The following EFCAB5 variants were observed in gnomAD, a reference collection of about 807,000 sequenced individuals.
EFCAB5 encodes the protein EF-hand calcium-binding domain-containing protein 5.
Under a neutral mutation model 167.9 loss-of-function variants are expected in EFCAB5, and 131 were observed. The observed-to-expected ratio is 0.78, with a 90% CI of 0.68 to 0.90. The LOEUF is 0.90. Ranked by LOEUF, EFCAB5 falls within the 40% of genes least tolerant of loss-of-function variation. EFCAB5 has a pLI of 0.00. For synonymous variants in EFCAB5, 574 were observed against 602.8 expected (o/e 0.95, Z 0.70); for missense variants, 1,663 against 1,745.2 (o/e 0.95, Z 0.84).
At chr17:30,004,365 C>G (rs577105574) in intron 7 of EFCAB5, among the ~76,000 whole-genome samples, 1 of 152,176 alleles carries the variant, frequency 6.6e-6, no homozygotes, top group East Asian at 1.9e-4. Context: ...ATCCAATTTC[C>G]CCATTCAATC....
chr17:30,090,791 T>C, intron 20 of EFCAB5, 117 bp downstream of exon 20: 1 of 1,398,952 alleles, frequency 7.1e-7, no homozygotes, highest in Non-Finnish European at 9.6e-7. Flanking sequence ...TACACATCTT[T>C]TCATATAAAA....
At chr17:30,098,126 G>T (rs1228278419) in intron 22 of EFCAB5, among the ~76,000 whole-genome samples, 1 of 151,858 alleles carries the variant, frequency 6.6e-6, no homozygotes, top group East Asian at 2.0e-4. Flanking sequence ...GTAGAGGTGG[G>T]GGTCTCACTA....
chr17:30,000,080 AAAACT>A, intron 7 of EFCAB5, 104 bp downstream of exon 7: 1 of 768,722 alleles, frequency 1.3e-6, no homozygotes, highest in Non-Finnish European at 2.0e-6. Flanking sequence ...ATGAAAGCAC[AAAACT>A]TATTTTATAC....
chr17:30,025,380 A>G (rs1472083486), intron 7 of EFCAB5, among the ~76,000 whole-genome samples: 1 of 152,228 alleles, frequency 6.6e-6, no homozygotes, highest in Non-Finnish European at 1.5e-5. Flanking sequence ...ACACTTCTCA[A>G]AAGAAGACAT....
chr17:29,977,221 G>A (rs1291477311), intron 4 of EFCAB5, among the ~76,000 whole-genome samples: 1 of 152,150 alleles, frequency 6.6e-6, no homozygotes, highest in East Asian at 1.9e-4. Flanking sequence ...AAAAATATTT[G>A]CTCCTAAAAT....
intron 4 of EFCAB5, among the ~76,000 whole-genome samples, chr17:29,989,919 C>A (rs1028090127): frequency 2.6e-5 from 4 of 152,166 alleles, no homozygotes; most frequent in African/African-American, 9.7e-5. Context: ...CTGCTTGAAG[C>A]AGTTCCTACA....
chr17:29,962,632 CTTTT>C (rs796553756), intron 3 of EFCAB5, among the ~76,000 whole-genome samples: 2 of 110,432 alleles, frequency 1.8e-5, no homozygotes, highest in Non-Finnish European at 3.6e-5. Context: ...CCATGCCTGG[CTTTT>C]TTTTTTTTTT....
intron 14 of EFCAB5, among the ~76,000 whole-genome samples, chr17:30,061,646 G>A (rs2070429337): frequency 6.6e-6 from 1 of 152,050 alleles, no homozygotes; most frequent in Admixed American, 6.6e-5. Flanking sequence ...CATAATCATG[G>A]CTCACTCCAG....
At chr17:30,073,761 T>G in intron 14 of EFCAB5, 2 of 657,762 alleles carry the variant, frequency 3.0e-6, no homozygotes, top group East Asian at 2.7e-5. Flanking sequence ...CATCCCATAC[T>G]CCTATCAAGA....
At chr17:30,059,479 C>A in intron 13 of EFCAB5, 66 bp from the exon 14 acceptor site, 1 of 1,440,706 alleles carries the variant, frequency 6.9e-7, no homozygotes, top group Non-Finnish European at 9.2e-7. Context: ...TTGGAATAAA[C>A]ACAGAATGCT....
At position 30,069,354 on chromosome 17, in the gene EFCAB5, T is replaced by C. The variant is rs117293087; in HGVS notation, c.2738-8861T>C. 1.2e-4 allele frequency: 188 copies of C among 1,558,266 alleles called. 1 individual carries two copies. The East Asian group carries it at 4.1e-3, about 34-fold the overall frequency. Reference sequence around the variant, plus strand: ...TTTGAACAGGAAAATCAGCGACTAATTGGTGAAATGAACAGCTTGTTTGAT... The same window carrying C: ...TTTGAACAGGAAAATCAGCGACTAACTGGTGAAATGAACAGCTTGTTTGAT... On this transcript the variant is annotated intron_variant, in intron 14 of 22. Transcript: ENST00000394835.
intron 7 of EFCAB5, among the ~76,000 whole-genome samples, chr17:30,002,087 GA>G (rs1419640855): frequency 6.6e-6 from 1 of 152,124 alleles, no homozygotes; most frequent in Non-Finnish European, 1.5e-5. Context: ...TTTCCATATA[GA>G]TTTTTGGTTA....
rs2071103717 is a variant in EFCAB5 at position 30,087,094 on chromosome 17, T to C, written c.3611T>C (p.Val1204Ala). The C allele has an allele frequency of 6.2e-7, 1 of 1,613,584 alleles. No homozygotes were observed. Among genetic ancestry groups the C allele is most frequent in the East Asian group, 2.2e-5 (1 of 44,864 alleles). ...GACTATGTTTTACGCAACATGATGGTTACAGGGCAGCTGGGTCTAACAGAA... is the reference window on the plus strand; with the variant it reads ...GACTATGTTTTACGCAACATGATGGCTACAGGGCAGCTGGGTCTAACAGAA... Reference protein sequence around the residue: ...DSDYVLRNMMVTGQLGLTEIH... With the variant: ...DSDYVLRNMMATGQLGLTEIH... Residue 1204 changes from valine to alanine, a missense_variant, in exon 19 of 23, where the codon GTT (valine) becomes GCT (alanine). Val to Ala is a moderately conservative substitution (Grantham distance 64). Coordinates refer to ENST00000394835, the MANE Select transcript of EFCAB5 (RefSeq NM_198529.4).
At chr17:30,082,586 T>C (rs574289011) in intron 17 of EFCAB5, among the ~76,000 whole-genome samples, 3 of 152,202 alleles carry the variant, frequency 2.0e-5, no homozygotes, top group Admixed American at 2.0e-4. Flanking sequence ...AGACAGGGTT[T>C]CACCATGTTG....
At chr17:29,992,153 C>T (rs746993690) in intron 4 of EFCAB5, among the ~76,000 whole-genome samples, 1 of 152,122 alleles carries the variant, frequency 6.6e-6, no homozygotes, top group Non-Finnish European at 1.5e-5. Context: ...TTCCCAGCCT[C>T]TGTAACCACC....
chr17:30,105,773 CTT>C (rs1433908346), intron 22 of EFCAB5, among the ~76,000 whole-genome samples: 3 of 152,092 alleles, frequency 2.0e-5, no homozygotes, highest in Admixed American at 6.6e-5. Flanking sequence ...TTATTGAACA[CTT>C]ATAATTGAAT....
intron 4 of EFCAB5, among the ~76,000 whole-genome samples, chr17:29,980,459 A>G (rs1432481004): frequency 6.6e-6 from 1 of 152,250 alleles, no homozygotes; most frequent in Non-Finnish European, 1.5e-5. Flanking sequence ...GGCACTTGCC[A>G]AAACCACAAT....
intron 3 of EFCAB5, chr17:29,968,391 T>C: frequency 2.2e-6 from 1 of 445,230 alleles, no homozygotes. Flanking sequence ...AGTCTTAGAG[T>C]GGGGAGTCTG....
intron 4 of EFCAB5, among the ~76,000 whole-genome samples, chr17:29,975,236 A>G (rs942532375): frequency 6.6e-6 from 1 of 150,816 alleles, no homozygotes; most frequent in African/African-American, 2.4e-5. Context: ...TCCTTTTAAT[A>G]TCTTCTGACA....
Sources: allele counts gnomAD v4.1 joint callset (sites outside exome capture counted in the v4.1 genomes callset), GRCh38; gene constraint gnomAD v4.1.1; transcripts MANE v1.5; gene names NCBI Gene and HGNC (gene_info 2026-07-23, HGNC 2026-07-21).